Variants in TENM2 observed in about 807,000 individuals in gnomAD.
TENM2 encodes teneurin-2.
TENM2 carries 52 observed loss-of-function variants against 245.2 expected under a neutral mutation model. The observed-to-expected ratio is 0.21, with a 90% CI of 0.17 to 0.27. The LOEUF is 0.27. Among genes scored for constraint, TENM2 ranks in the 10% least tolerant of loss-of-function variants. The pLI is 1.00. For synonymous variants in TENM2, 1,363 were observed against 1,438.9 expected (o/e 0.95, Z 1.19); for missense variants, 3,046 against 3,666.8 (o/e 0.83, Z 4.37).
intron 2 of TENM2, among the ~76,000 whole-genome samples, chr5:167,444,786 C>G (rs1295050111): frequency 1.3e-5 from 2 of 152,116 alleles, no homozygotes; most frequent in African/African-American, 4.8e-5. Flanking sequence ...TAAACTTTTG[C>G]AATAAATGAG....
At chr5:167,630,781 G>A (rs979079185) in intron 2 of TENM2, among the ~76,000 whole-genome samples, 2 of 152,156 alleles carry the variant, frequency 1.3e-5, no homozygotes, top group African/African-American at 4.8e-5. Context: ...CTACTCAGAA[G>A]GGAAATTAAC....
At chr5:168,099,949 G>A (rs1490019576) in intron 9 of TENM2, among the ~76,000 whole-genome samples, 3 of 152,216 alleles carry the variant, frequency 2.0e-5, no homozygotes, top group Non-Finnish European at 4.4e-5. Context: ...CACATCCCTT[G>A]TAAGTTGGAT....
chr5:168,125,826 T>C (rs541311816), intron 11 of TENM2, among the ~76,000 whole-genome samples: 2 of 152,056 alleles, frequency 1.3e-5, no homozygotes, highest in South Asian at 4.2e-4. Context: ...TGGCTTCAAC[T>C]CTGTTGCTGG....
At chr5:167,960,832 G>A (rs1403808209) in intron 4 of TENM2, among the ~76,000 whole-genome samples, 2 of 152,184 alleles carry the variant, frequency 1.3e-5, no homozygotes, top group East Asian at 3.9e-4. Context: ...GGTGGTGTAG[G>A]CACCCAAGGG....
intron 2 of TENM2, among the ~76,000 whole-genome samples, chr5:167,420,512 C>T (rs1235327472): frequency 6.6e-6 from 1 of 152,142 alleles, no homozygotes; most frequent in Non-Finnish European, 1.5e-5. Flanking sequence ...TCACTTCCAG[C>T]CATGCGGTCT....
chr5:167,960,084 A>G lies in TENM2; in HGVS notation c.947+7262A>G, dbSNP rs191050879. Among the ~76,000 whole-genome samples, 63 of 152,270 alleles carry G rather than the reference A, an allele frequency of 4.1e-4. No individual in the cohort carries two copies. In the East Asian group the frequency reaches 0.011, roughly 26 times the overall value. On this transcript the variant is annotated intron_variant, in intron 4 of 28. Coordinates refer to ENST00000518659, the Ensembl canonical transcript of TENM2. ...CTCTGGAAGCTTCGCCCAGAGGGCT[A>G]CCCACCAGATGCCAGCTGGAGCTCT...
intron 1 of TENM2, among the ~76,000 whole-genome samples, chr5:167,363,891 A>C (rs2127275133): frequency 6.6e-6 from 1 of 152,212 alleles, no homozygotes; most frequent in East Asian, 1.9e-4. Context: ...TAATAGAAAA[A>C]CTAAACAACA....
chr5:168,107,563 G>C (rs963466290), intron 9 of TENM2, among the ~76,000 whole-genome samples: 1 of 152,114 alleles, frequency 6.6e-6, no homozygotes, highest in East Asian at 1.9e-4. Context: ...CCTGGGGGGG[G>C]GGTCTGATGC....
upstream of TENM2, among the ~76,000 whole-genome samples, chr5:167,280,143 G>A (rs572433161): frequency 1.3e-5 from 2 of 152,278 alleles, no homozygotes; most frequent in South Asian, 4.1e-4. Context: ...TTTCTTCTCA[G>A]ATGCCAAGGG....
intron 2 of TENM2, among the ~76,000 whole-genome samples, chr5:167,578,248 C>A (rs1193827992): frequency 6.6e-6 from 1 of 152,208 alleles, no homozygotes; most frequent in Admixed American, 6.5e-5. Context: ...CGTTAAATTG[C>A]AGCCTTACGG....
At chr5:167,510,029 T>C (rs1769829401) in intron 2 of TENM2, among the ~76,000 whole-genome samples, 1 of 152,210 alleles carries the variant, frequency 6.6e-6, no homozygotes, top group African/African-American at 2.4e-5. Context: ...TTTTATCTAC[T>C]AAATTCTTAA....
chr5:167,692,933 C>T (rs541446061), intron 2 of TENM2, among the ~76,000 whole-genome samples: 6 of 152,264 alleles, frequency 3.9e-5, no homozygotes, highest in South Asian at 2.1e-4. Context: ...GCTGCCTGGT[C>T]GGCTTGATGG....
intron 7 of TENM2, 134 bp downstream of exon 9, chr5:168,062,399 T>C: frequency 1.3e-6 from 1 of 749,952 alleles, no homozygotes; most frequent in African/African-American, 1.8e-5. Context: ...TGGCGAGAAT[T>C]TGGAGAAATA....
intron 5 of TENM2, among the ~76,000 whole-genome samples, chr5:168,023,758 C>T (rs1054749011): frequency 6.6e-6 from 1 of 152,150 alleles, no homozygotes; most frequent in African/African-American, 2.4e-5. Context: ...CTGCATTTGC[C>T]TGGAAAGGGG....
At chr5:167,791,487 T>C (rs1027828091) in intron 2 of TENM2, among the ~76,000 whole-genome samples, 1 of 51,056 alleles carries the variant, frequency 2.0e-5, no homozygotes, top group African/African-American at 1.8e-4. Context: ...ATTATATATA[T>C]AATGTATATT....
chr5:167,884,789 A>G (rs1774155586), intron 3 of TENM2, among the ~76,000 whole-genome samples: 1 of 152,188 alleles, frequency 6.6e-6, no homozygotes, highest in Admixed American at 6.5e-5. Context: ...GAATCATTGA[A>G]TCATACAGTA....
chr5:167,179,593 C>T, the TENM2 span, among the ~76,000 whole-genome samples: 5 of 152,104 alleles, frequency 3.3e-5, no homozygotes, highest in African/African-American at 1.2e-4. Flanking sequence ...CCCGCAACCC[C>T]GGCTCCCCGC....
At chr5:167,275,858 C>T in the TENM2 span, among the ~76,000 whole-genome samples, 1 of 152,000 alleles carries the variant, frequency 6.6e-6, no homozygotes, top group African/African-American at 2.4e-5. Flanking sequence ...ACTTTCCTTT[C>T]TTGTGTTGTT....
Position 168,124,742 on chromosome 5 carries a change from G to A in TENM2, c.2009-108G>A, listed in dbSNP as rs2152351370. On this transcript the variant is annotated intron_variant, in intron 10 of 28. Transcript: ENST00000518659. ...ACTCCATTTGCTAGCAAGTGGATGG[G>A]AACTGGTGACCCACTGGTCCATTCA... The A allele has an allele frequency of 1.5e-5, 15 of 1,024,682 alleles. 2 individuals are homozygous for A. In the South Asian group the frequency reaches 2.4e-4, roughly 17 times the overall value. 63.5% of individuals were successfully genotyped at this position (1,024,682 alleles called of 1,614,324 possible).
Sources: gnomAD v4.1 joint callset for allele counts (sites outside exome capture counted in the v4.1 genomes callset) on GRCh38, gnomAD v4.1.1 for gene constraint, MANE v1.5 for transcripts, NCBI Gene and HGNC (gene_info 2026-07-23, HGNC 2026-07-21) for gene names.